DLGAP2: variants seen among roughly 807,000 people sequenced by gnomAD.
The protein encoded by DLGAP2 is DLG associated protein 2.
A neutral mutation model predicts 100.3 loss-of-function variants in DLGAP2; 26 were observed. The ratio of observed to expected loss-of-function variants is 0.26; its 90% CI spans 0.19 to 0.36. The LOEUF (loss-of-function observed/expected upper bound fraction) is 0.36. Ranked by LOEUF, DLGAP2 falls within the 10% of genes least tolerant of loss-of-function variation. The pLI is 1.00. For missense variants in DLGAP2, 1,858 were observed against 1,453.2 expected, an observed-to-expected ratio of 1.28 and a Z score of -4.53; for synonymous variants, 886 against 630.1, an observed-to-expected ratio of 1.41 and a Z score of -6.08.
chr8:1,257,716 C>A (rs1299055464), intron 2 of DLGAP2, among the ~76,000 whole-genome samples: 2 of 151,626 alleles, frequency 1.3e-5, no homozygotes, highest in African/African-American at 4.9e-5. Flanking sequence ...GAGCCGGTGT[C>A]CTCCCGAGGG....
intron 2 of DLGAP2, among the ~76,000 whole-genome samples, chr8:1,179,546 C>G (rs569933745): frequency 3.9e-4 from 59 of 152,374 alleles, no homozygotes; most frequent in African/African-American, 1.3e-3. Context: ...CTCCAAGTTT[C>G]CTTTTACTCA....
intron 3 of DLGAP2, among the ~76,000 whole-genome samples, chr8:1,412,213 T>C (rs899965095): frequency 3.3e-5 from 5 of 152,172 alleles, no homozygotes; most frequent in East Asian, 1.9e-4. Flanking sequence ...ACTGGGACTT[T>C]TATGCTGAAG....
At chr8:1,567,591 C>T (rs1802454104) in intron 6 of DLGAP2, among the ~76,000 whole-genome samples, 1 of 152,126 alleles carries the variant, frequency 6.6e-6, no homozygotes, top group Admixed American at 6.6e-5. Flanking sequence ...GCCACGGGTC[C>T]CCCAGGATCA....
intron 1 of DLGAP2, among the ~76,000 whole-genome samples, chr8:861,401 C>G (rs1402073664): frequency 6.6e-6 from 1 of 152,086 alleles, no homozygotes; most frequent in Non-Finnish European, 1.5e-5. Context: ...TGTACTTCTC[C>G]TCATGCTCGC....
At chr8:1,245,771 A>G (rs1183867097) in intron 2 of DLGAP2, among the ~76,000 whole-genome samples, 1 of 152,204 alleles carries the variant, frequency 6.6e-6, no homozygotes, top group African/African-American at 2.4e-5. Flanking sequence ...ATCACTTTTA[A>G]AAAAGCAATG....
rs1166630149 is a variant in DLGAP2, at chr8:1,549,117, C to A, written c.664C>A (p.Arg222Ser). The change falls in exon 5 of 15, where the codon CGC becomes AGC. Residue 222 changes from arginine (R) to serine (S), a missense_variant. By Grantham distance (110) the Arg-to-Ser change is moderately radical (BLOSUM62 -1). Transcript: ENST00000637795. ...GAGGACGTCCGCGGCCGCCGAGCAGCGCAGCGAGAGCCCCGGGCGGATCCG... is the reference window on the plus strand; with the variant it reads ...GAGGACGTCCGCGGCCGCCGAGCAGAGCAGCGAGAGCCCCGGGCGGATCCG... The part of the protein sequence containing the change: ...YQRTSAAAEQ[R>S]SESPGRIRHL... 1.3e-6 allele frequency: 2 copies of A among 1,587,762 alleles called. No homozygotes were observed. Among genetic ancestry groups the A allele is most frequent in the South Asian group, 1.1e-5 (1 of 88,244 alleles).
chr8:1,382,526 A>T (rs1162014114), intron 3 of DLGAP2, among the ~76,000 whole-genome samples: 1 of 152,218 alleles, frequency 6.6e-6, no homozygotes, highest in Non-Finnish European at 1.5e-5. Context: ...GCTTGAGCCC[A>T]GGAGTTTGAG....
rs1459940334 is a variant in DLGAP2, at chr8:1,427,698, C to A, written c.107-73668C>A. Among the ~76,000 whole-genome samples, 3 of 152,112 alleles carry A rather than the reference C, an allele frequency of 2.0e-5. No homozygotes were observed. In the East Asian group the frequency reaches 5.8e-4, roughly 29 times the overall value. On this transcript the variant is annotated intron_variant, in intron 3 of 14. Coordinates refer to ENST00000637795, the MANE Select transcript of DLGAP2 (RefSeq NM_001346810.2). ...TGATGGTTTTAAAAATGGGAGTTTCCCTGTACAAGCTCTCTTCTCTTGTCT... is the reference window on the plus strand; with the variant it reads ...TGATGGTTTTAAAAATGGGAGTTTCACTGTACAAGCTCTCTTCTCTTGTCT...
At chr8:1,262,702 A>G (rs1799375855) in intron 3 of DLGAP2, 1 of 152,218 alleles carries the variant, frequency 6.6e-6, no homozygotes, top group Admixed American at 6.5e-5. Flanking sequence ...TAGCAATAAG[A>G]GGGCAGGCTG....
chr8:1,352,282 C>T lies in DLGAP2; in HGVS notation c.106+93399C>T, dbSNP rs924769985. On this transcript the variant is annotated intron_variant, in intron 3 of 14. Coordinates refer to ENST00000637795, the MANE Select transcript of DLGAP2 (RefSeq NM_001346810.2). ...CCTGATCGTGTGTGGAAAGGACGTG[C>T]GGGTCCTGAGCGTGTGTGTGGAAAG... 7.7e-4 allele frequency among the ~76,000 whole-genome samples: 83 copies of T among 107,422 alleles called. 16 individuals are homozygous for T. The highest frequency in any genetic ancestry group is 1.1e-3 in the Non-Finnish European group (59 of 51,814). 70.5% of individuals were successfully genotyped at this position (107,422 alleles called of 152,430 possible). A position where few individuals can be genotyped will look rare whatever the true frequency, so the allele number is the denominator to read the frequency against.
At chr8:1,458,288 T>A (rs9785114) in intron 3 of DLGAP2, among the ~76,000 whole-genome samples, 81,462 of 151,700 alleles carry the variant, frequency 0.54, 22,500 homozygotes, top group East Asian at 0.87. Context: ...GTTTTTAAAA[T>A]TCTGGTCATT....
At chr8:1,219,261 C>T (rs1798271439) in intron 2 of DLGAP2, among the ~76,000 whole-genome samples, 2 of 152,258 alleles carry the variant, frequency 1.3e-5, no homozygotes, top group South Asian at 4.1e-4. Context: ...GTGGTTTTGT[C>T]ATAGATGGCT....
intron 2 of DLGAP2, among the ~76,000 whole-genome samples, chr8:1,163,630 G>A (rs1301406178): frequency 1.3e-5 from 2 of 152,180 alleles, no homozygotes; most frequent in African/African-American, 4.8e-5. Flanking sequence ...GCAGGGCCCG[G>A]GAGAGGCTGC....
chr8:1,465,149 C>A (rs1798589200), intron 3 of DLGAP2, among the ~76,000 whole-genome samples: 1 of 152,216 alleles, frequency 6.6e-6, no homozygotes, highest in Non-Finnish European at 1.5e-5. Context: ...CCAAGACCAC[C>A]CACGACTTTG....
intron 1 of DLGAP2, among the ~76,000 whole-genome samples, chr8:884,799 A>T (rs1391126594): frequency 6.6e-6 from 1 of 152,060 alleles, no homozygotes; most frequent in Non-Finnish European, 1.5e-5. Flanking sequence ...TCTTGAGTTA[A>T]TTTTTGTATA....
At chr8:1,381,251 G>T (rs1163927453) in intron 3 of DLGAP2, 1 of 152,148 alleles carries the variant, frequency 6.6e-6, no homozygotes, top group African/African-American at 2.4e-5. Context: ...TTCCATGTGT[G>T]CCCATGAAAA....
chr8:1,437,974 A>G lies in DLGAP2; in HGVS notation c.107-63392A>G, dbSNP rs139685998. ...GCACTCCAGCCTGGGCGACAAGAGC[A>G]AAACTCCATCTCAAAAAAATAAAAT... On this transcript the variant is annotated intron_variant, in intron 3 of 14. Coordinates refer to ENST00000637795, the MANE Select transcript of DLGAP2 (RefSeq NM_001346810.2). Among the ~76,000 whole-genome samples, 350 of 152,226 alleles carry G rather than the reference A, an allele frequency of 2.3e-3. 2 individuals carry two copies. The highest frequency in any genetic ancestry group is 8.1e-3 in the African/African-American group (335 of 41,544).
intron 2 of DLGAP2, among the ~76,000 whole-genome samples, chr8:1,241,445 C>T (rs1279542103): frequency 6.6e-6 from 1 of 152,246 alleles, no homozygotes; most frequent in African/African-American, 2.4e-5. Context: ...CTGGAGCTCT[C>T]TCACACCCTG....
At chr8:1,698,592 T>TA (rs1799472668) in intron 14 of DLGAP2, among the ~76,000 whole-genome samples, 4 of 148,186 alleles carry the variant, frequency 2.7e-5, no homozygotes, top group Admixed American at 2.7e-4. Context: ...CAGGTCCAAG[T>TA]AAGCCATGCT....
Sources: allele counts gnomAD v4.1 joint callset (sites outside exome capture counted in the v4.1 genomes callset), GRCh38; gene constraint gnomAD v4.1.1; transcripts MANE v1.5; gene names NCBI Gene and HGNC (gene_info 2026-07-23, HGNC 2026-07-21).